The following KCNAB2 variants were observed in gnomAD, a reference collection of about 807,000 sequenced individuals.
The protein encoded by KCNAB2 is voltage-gated potassium channel subunit beta-2.
KCNAB2 carries 29 observed loss-of-function variants against 63.6 expected under a neutral mutation model. The ratio of observed to expected loss-of-function variants is 0.46; its 90% CI spans 0.34 to 0.62. KCNAB2 has a LOEUF of 0.62. Among genes scored for constraint, KCNAB2 ranks in the 20% least tolerant of loss-of-function variants. The pLI is 0.01. For missense variants in KCNAB2, 359 were observed against 563.9 expected, an observed-to-expected ratio of 0.64 and a Z score of 3.68; for synonymous variants, 222 against 224.2, an observed-to-expected ratio of 0.99 and a Z score of 0.09.
chr1:6,053,279 T>G (rs1013199075), intron 2 of KCNAB2, among the ~76,000 whole-genome samples: 3 of 152,080 alleles, frequency 2.0e-5, no homozygotes, highest in Non-Finnish European at 4.4e-5. Context: ...CAGTAAATGT[T>G]TATTGAGAGT....
In KCNAB2 at chr1:6,086,475, G is replaced by A. The variant is rs557125679; in HGVS notation, c.426-992G>A. ...GCCAGAGCTCTGTGGCCGATGCTTC[G>A]GGGCAGAGGAGGCCTCCTACTCCAG... On this transcript the variant is annotated intron_variant, in intron 6 of 15. Transcript: ENST00000378083. This position sits in a 1 kb window ranked among gnomAD's most constrained non-coding sequence, Gnocchi z 4.2. 12 of 786,614 alleles carry A rather than the reference G, an allele frequency of 1.5e-5. No individual in the cohort carries two copies. The highest frequency in any genetic ancestry group is 1.1e-4 in the South Asian group (2 of 17,392). 48.7% of individuals were successfully genotyped at this position (786,614 alleles called of 1,614,324 possible). A position where few individuals can be genotyped will look rare whatever the true frequency, so the allele number is the denominator to read the frequency against.
chr1:6,075,833 C>T (rs1663613596), intron 4 of KCNAB2, among the ~76,000 whole-genome samples: 1 of 152,206 alleles, frequency 6.6e-6, no homozygotes, highest in Non-Finnish European at 1.5e-5. Context: ...ATATCTGTTT[C>T]CAAAATATTT....
Position 6,078,376 on chromosome 1 carries a change from G to T in KCNAB2, c.301-3819G>T, listed in dbSNP as rs1232031236. The stretch of plus-strand genomic sequence containing the variant: ...CTAAGGTCACATTCCCAGGTTCCAG[G>T]GACGTGATACCTTTGGAGAACCATT... On this transcript the variant is annotated intron_variant, in intron 4 of 15. Transcript: ENST00000378083. The surrounding 1 kb of genome is among the most constrained non-coding windows in gnomAD (Gnocchi z 4.2). 6.6e-6 allele frequency among the ~76,000 whole-genome samples: 1 copy of T among 152,120 alleles called. No homozygotes were observed. The highest frequency in any genetic ancestry group is 1.5e-5 in the Non-Finnish European group (1 of 68,028).
chr1:6,084,846 G>T (rs1042843809), intron 5 of KCNAB2, among the ~76,000 whole-genome samples: 15 of 151,752 alleles, frequency 9.9e-5, no homozygotes, highest in Non-Finnish European at 1.5e-4. Flanking sequence ...TGGAAATTTT[G>T]CCCACCTAAT....
At chr1:6,066,042 G>A (rs1481966889) in intron 2 of KCNAB2, among the ~76,000 whole-genome samples, 2 of 152,258 alleles carry the variant, frequency 1.3e-5, no homozygotes, top group African/African-American at 4.8e-5. Flanking sequence ...GACGCAGCCA[G>A]GATCTGAGCA....
rs981744862 is a variant in KCNAB2, at chr1:6,069,565, C to T, written c.219-3190C>T. Among the ~76,000 whole-genome samples the T allele has an allele frequency of 3.3e-5, 5 of 152,166 alleles. No individual in the cohort carries two copies. Among genetic ancestry groups the T allele is most frequent in the African/African-American group, 1.2e-4 (5 of 41,440 alleles). ...TGGGTTTCGAGATGTTGACCACCTGCTTCATTAGGATGTCAGGTTTCAACG... is the reference window on the plus strand; with the variant it reads ...TGGGTTTCGAGATGTTGACCACCTGTTTCATTAGGATGTCAGGTTTCAACG... On this transcript the variant is annotated intron_variant, in intron 2 of 15. Transcript: ENST00000378083. The surrounding 1 kb of genome is among the most constrained non-coding windows in gnomAD (Gnocchi z 5.4).
chr1:6,064,496 G>A (rs1662579198), intron 2 of KCNAB2, among the ~76,000 whole-genome samples: 1 of 152,216 alleles, frequency 6.6e-6, no homozygotes, highest in South Asian at 2.1e-4. Context: ...GGGGAAGTAG[G>A]GATGCTAAGA....
chr1:6,027,622 C>T (rs1291045649), intron 1 of KCNAB2, among the ~76,000 whole-genome samples: 2 of 152,272 alleles, frequency 1.3e-5, no homozygotes, highest in South Asian at 2.1e-4. Context: ...CTAGACCTGT[C>T]GTATTTGTAA....
At position 6,020,865 on chromosome 1, in the gene KCNAB2, G is replaced by A. The variant is rs150764643; in HGVS notation, c.-52-19652G>A. On this transcript the variant is annotated intron_variant, in intron 1 of 16. Coordinates refer to the KCNAB2 transcript ENST00000341524. ...TGTAGAGATGGGGTTTCACCATGTT[G>A]GCCAGGCTGGTCTCGAACTCCTGAC... Among the ~76,000 whole-genome samples the A allele has an allele frequency of 3.8e-3, 582 of 152,108 alleles. 19 individuals are homozygous for A. The East Asian group carries it at 0.065, about 17-fold the overall frequency.
intron 2 of KCNAB2, among the ~76,000 whole-genome samples, chr1:6,062,088 G>T (rs933577189): frequency 1.3e-5 from 2 of 152,156 alleles, no homozygotes; most frequent in Non-Finnish European, 2.9e-5. Flanking sequence ...CAAGGCAGGC[G>T]GATCGCCTGA....
intron 4 of KCNAB2, among the ~76,000 whole-genome samples, chr1:6,077,132 G>A (rs1663733565): frequency 1.3e-5 from 2 of 151,986 alleles, no homozygotes; most frequent in African/African-American, 2.4e-5. Flanking sequence ...GTTGCAGTGA[G>A]CCATGATCGC....
chr1:6,018,823 T>A (rs1658662316), intron 1 of KCNAB2: 1 of 152,198 alleles, frequency 6.6e-6, no homozygotes, highest in African/African-American at 2.4e-5. Flanking sequence ...CGTCTGCTGT[T>A]TCAGCCACCC....
chr1:6,058,696 G>A (rs898447012), intron 2 of KCNAB2, among the ~76,000 whole-genome samples: 5 of 152,264 alleles, frequency 3.3e-5, no homozygotes, highest in Non-Finnish European at 7.3e-5. Context: ...ACTTAGAGAT[G>A]TAGTTCAGTG....
In KCNAB2 at chr1:5,993,791, T is replaced by G. The variant is rs143505082; in HGVS notation, c.-53+1003T>G. On this transcript the variant is annotated intron_variant, in intron 1 of 16. Coordinates refer to the KCNAB2 transcript ENST00000341524. ...TTTCCTGCTCAGCCTCACTTTGTGATTCAGCATTTTTGGGGTTGGTAACTT... is the reference window on the plus strand; with the variant it reads ...TTTCCTGCTCAGCCTCACTTTGTGAGTCAGCATTTTTGGGGTTGGTAACTT... 4.9e-3 allele frequency among the ~76,000 whole-genome samples: 749 copies of G among 152,270 alleles called. 4 individuals carry two copies. The highest frequency in any genetic ancestry group is 0.017 in the African/African-American group (726 of 41,550).
At chr1:6,011,502 C>T (rs1007001996) in intron 1 of KCNAB2, among the ~76,000 whole-genome samples, 4 of 151,998 alleles carry the variant, frequency 2.6e-5, no homozygotes, top group Admixed American at 2.0e-4. Context: ...GAGAGGCAGG[C>T]AGATGTGCAG....
At chr1:6,000,074 C>G (rs1657160389) in intron 1 of KCNAB2, among the ~76,000 whole-genome samples, 2 of 152,062 alleles carry the variant, frequency 1.3e-5, no homozygotes, top group East Asian at 3.8e-4. Flanking sequence ...CACACCCTGC[C>G]TGCACTCTGT....
chr1:6,096,177 C>T lies in KCNAB2; in HGVS notation c.949-459C>T, dbSNP rs1384553477. ...TGGGTTCCAGGGCAACGTGGCCTGG[C>T]CCCCGACTCCTCCCATCCCATGGCA... On this transcript the variant is annotated intron_variant, in intron 13 of 15. Coordinates refer to ENST00000378083, the MANE Select transcript of KCNAB2 (RefSeq NM_001199862.2). The surrounding 1 kb of genome is among the most constrained non-coding windows in gnomAD (Gnocchi z 5.9). 6 of 457,378 alleles carry T rather than the reference C, an allele frequency of 1.3e-5. No homozygotes were observed. Among genetic ancestry groups the T allele is most frequent in the Non-Finnish European group, 2.6e-5 (6 of 228,034 alleles). The allele number at this position is 457,378 out of a possible 1,614,324, so 28.3% of individuals were successfully genotyped here.
intron 6 of KCNAB2, chr1:6,085,952 A>G: frequency 1.0e-6 from 1 of 985,352 alleles, no homozygotes; most frequent in Non-Finnish European, 1.2e-6. Context: ...ATGGAGCCCA[A>G]AGGTCGCAGA....
At chr1:6,027,856 T>C (rs1418856584) in intron 1 of KCNAB2, among the ~76,000 whole-genome samples, 1 of 152,178 alleles carries the variant, frequency 6.6e-6, no homozygotes, top group Non-Finnish European at 1.5e-5. Context: ...CCTCAGGAGA[T>C]TGGAGGAGAG....
Sources: gnomAD v4.1 joint callset for allele counts (sites outside exome capture counted in the v4.1 genomes callset) on GRCh38, gnomAD v4.1.1 for gene constraint, Gnocchi (gnomAD v3.1) non-coding constraint, MANE v1.5 for transcripts, NCBI Gene and HGNC (gene_info 2026-07-23, HGNC 2026-07-21) for gene names.